DLG2: variants seen among roughly 807,000 people sequenced by gnomAD.
DLG2 encodes disks large homolog 2.
Under a neutral mutation model 132.5 loss-of-function variants are expected in DLG2, and 45 were observed. That is an observed-to-expected ratio of 0.34 (90% confidence interval 0.27 to 0.44). The LOEUF (loss-of-function observed/expected upper bound fraction) is 0.44, where lower values mean the gene tolerates loss of function less well. Ranked by LOEUF, DLG2 falls within the 20% of genes least tolerant of loss-of-function variation. The pLI, the probability that DLG2 is intolerant of heterozygous loss-of-function variation, is 1.00. For synonymous variants in DLG2, 424 were observed against 419.6 expected (o/e 1.01, Z -0.13); for missense variants, 1,045 against 1,196.9 (o/e 0.87, Z 1.87).
At chr11:84,109,093 AG>A (rs371746536) in intron 9 of DLG2, among the ~76,000 whole-genome samples, 8 of 152,236 alleles carry the variant, frequency 5.3e-5, no homozygotes, top group African/African-American at 1.9e-4. Flanking sequence ...ATGGAGAGAA[AG>A]AAAAAAAATA....
chr11:85,004,252 G>A (rs757059134), intron 6 of DLG2, among the ~76,000 whole-genome samples: 16 of 152,146 alleles, frequency 1.1e-4, no homozygotes, highest in Non-Finnish European at 2.2e-4. Flanking sequence ...GGATTGCTGA[G>A]GCAAATGGTA....
At chr11:84,539,587 A>G (rs930137668) in intron 6 of DLG2, among the ~76,000 whole-genome samples, 3 of 152,160 alleles carry the variant, frequency 2.0e-5, no homozygotes, top group African/African-American at 7.2e-5. Context: ...GAAACTTTGT[A>G]ATTCTGTGAG....
chr11:84,613,401 C>A (rs1213491064), intron 6 of DLG2, among the ~76,000 whole-genome samples: 1 of 152,032 alleles, frequency 6.6e-6, no homozygotes, highest in Non-Finnish European at 1.5e-5. Flanking sequence ...CAGTTCCCTT[C>A]AGAGGAGAGA....
chr11:83,796,300 C>T (rs2042806017), intron 17 of DLG2, among the ~76,000 whole-genome samples: 2 of 152,162 alleles, frequency 1.3e-5, no homozygotes, highest in African/African-American at 4.8e-5. Context: ...GTGATTAAAA[C>T]AAACAAATGA....
chr11:83,509,953 A>G (rs964583353), intron 21 of DLG2, among the ~76,000 whole-genome samples: 1 of 152,178 alleles, frequency 6.6e-6, no homozygotes, highest in Non-Finnish European at 1.5e-5. Flanking sequence ...CACACAAGAT[A>G]CTTTGCTTGT....
At chr11:84,779,643 A>T (rs1047576590) in intron 6 of DLG2, among the ~76,000 whole-genome samples, 3 of 152,242 alleles carry the variant, frequency 2.0e-5, no homozygotes, top group Admixed American at 2.0e-4. Flanking sequence ...AGCTAGACTA[A>T]CCAAGAGGAG....
At chr11:84,623,376 T>C (rs1409504989) in intron 6 of DLG2, among the ~76,000 whole-genome samples, 2 of 152,208 alleles carry the variant, frequency 1.3e-5, no homozygotes, top group African/African-American at 2.4e-5. Context: ...ATTCTTTCCA[T>C]GAAACCTTCC....
intron 6 of DLG2, among the ~76,000 whole-genome samples, chr11:85,106,799 T>A (rs183908901): frequency 1.6e-4 from 25 of 152,168 alleles, no homozygotes; most frequent in African/African-American, 5.3e-4. Flanking sequence ...GTTAATACTT[T>A]AACACAAATT....
chr11:84,672,294 G>A (rs1302137094), intron 6 of DLG2, among the ~76,000 whole-genome samples: 1 of 152,104 alleles, frequency 6.6e-6, no homozygotes, highest in Non-Finnish European at 1.5e-5. Context: ...TAAATGATGA[G>A]TTGGAATGAG....
chr11:84,568,581 G>C (rs1055015666), intron 6 of DLG2, among the ~76,000 whole-genome samples: 1 of 152,130 alleles, frequency 6.6e-6, no homozygotes, highest in Admixed American at 6.5e-5. Context: ...CATGTTGGGA[G>C]GCTCAACCTA....
chr11:83,552,094 C>A (rs2096404705), intron 19 of DLG2, among the ~76,000 whole-genome samples: 1 of 152,152 alleles, frequency 6.6e-6, no homozygotes, highest in South Asian at 2.1e-4. Context: ...ATGGATTTTA[C>A]ATTCTAGTAA....
chr11:84,231,041 C>G (rs12804905), intron 8 of DLG2, among the ~76,000 whole-genome samples: 4,895 of 152,284 alleles, frequency 0.032, 99 homozygotes, highest in Non-Finnish European at 0.048. Flanking sequence ...ATTAAACACA[C>G]TAGCGTCTCT....
chr11:85,488,265 T>G (rs1369214530), intron 3 of DLG2, among the ~76,000 whole-genome samples: 1 of 152,048 alleles, frequency 6.6e-6, no homozygotes, highest in Non-Finnish European at 1.5e-5. Flanking sequence ...GTGAGGCACC[T>G]ATAGTCCCAG....
At chr11:84,826,838 C>T (rs571966123) in intron 6 of DLG2, among the ~76,000 whole-genome samples, 2 of 151,800 alleles carry the variant, frequency 1.3e-5, no homozygotes. Context: ...ACCTTCTCAA[C>T]AGGAAATCTT....
At chr11:85,415,307 C>T (rs2089728075) in intron 3 of DLG2, among the ~76,000 whole-genome samples, 1 of 152,128 alleles carries the variant, frequency 6.6e-6, no homozygotes, top group South Asian at 2.1e-4. Flanking sequence ...GTGAATAGTG[C>T]CACAATAAAC....
intron 7 of DLG2, among the ~76,000 whole-genome samples, chr11:84,356,721 C>T (rs2098614334): frequency 6.6e-6 from 1 of 151,922 alleles, no homozygotes. Context: ...TCAATAACTT[C>T]TACAAAGAAC....
intron 3 of DLG2, among the ~76,000 whole-genome samples, chr11:85,566,085 A>C (rs908116807): frequency 6.6e-6 from 1 of 152,154 alleles, no homozygotes; most frequent in Non-Finnish European, 1.5e-5. Flanking sequence ...TTCTGATTCA[A>C]ATTTCCCTAA....
chr11:83,960,321 A>G (rs992656319), intron 14 of DLG2, among the ~76,000 whole-genome samples: 1 of 152,030 alleles, frequency 6.6e-6, no homozygotes, highest in South Asian at 2.1e-4. Context: ...TGCTAGTGCT[A>G]CATAAGGGCA....
At chr11:85,207,472 T>C (rs1027064900) in intron 4 of DLG2, among the ~76,000 whole-genome samples, 7 of 152,212 alleles carry the variant, frequency 4.6e-5, no homozygotes, top group Non-Finnish European at 8.8e-5. Context: ...TCTTCATCAG[T>C]AGCATTTGAG....
Sources: allele counts gnomAD v4.1 joint callset (sites outside exome capture counted in the v4.1 genomes callset), GRCh38; gene constraint gnomAD v4.1.1; transcripts MANE v1.5; gene names NCBI Gene and HGNC (gene_info 2026-07-23, HGNC 2026-07-21).